EXD3: variants seen among roughly 807,000 people sequenced by gnomAD.
EXD3 encodes the protein exonuclease 3'-5' domain containing 3, also known as exonuclease mut-7 homolog.
Under a neutral mutation model 98.0 loss-of-function variants are expected in EXD3, and 92 were observed. The observed-to-expected ratio is 0.94, with a 90% CI of 0.79 to 1.12. The LOEUF is 1.12. Among genes scored for constraint, EXD3 ranks in the 50% most tolerant of loss-of-function variants. The pLI is 0.00. For synonymous variants in EXD3, 569 were observed against 526.0 expected (o/e 1.08, Z -1.12); for missense variants, 1,222 against 1,191.6 (o/e 1.03, Z -0.38).
chr9:137,356,963 C>A (rs528297437), intron 7 of EXD3, among the ~76,000 whole-genome samples: 2 of 152,302 alleles, frequency 1.3e-5, no homozygotes, highest in South Asian at 4.1e-4. Context: ...AGATAAGGTC[C>A]ACGGGGTATT....
Position 137,371,239 on chromosome 9 carries a change from G to C in EXD3, c.462+1666C>G, listed in dbSNP as rs999823488. ...GCCTCCCTGCACTCTCCGCAGGCAC[G>C]GCCGCCATTCAGCGTCGCGCCACAT... is the stretch of plus-strand genomic sequence containing the variant. On this transcript the variant is annotated intron_variant, in intron 5 of 21. Coordinates refer to ENST00000340951, the MANE Select transcript of EXD3 (RefSeq NM_017820.5). This position sits in a 1 kb window ranked among gnomAD's most constrained non-coding sequence, Gnocchi z 8.0. Among the ~76,000 whole-genome samples, 1 of 152,208 alleles carries C rather than the reference G, an allele frequency of 6.6e-6. No homozygotes were observed. Among genetic ancestry groups the C allele is most frequent in the African/African-American group, 2.4e-5 (1 of 41,458 alleles).
chr9:137,355,604 A>AAGAGG (rs1834677663), intron 8 of EXD3, among the ~76,000 whole-genome samples: 1 of 2,316 alleles, frequency 4.3e-4, no homozygotes. Context: ...GCGGAAGGAG[A>AAGAGG]AAGGAGGAAG....
At position 137,383,293 on chromosome 9, in the gene EXD3, T is replaced by C. The variant is rs1836411742; in HGVS notation, c.120+20A>G. ...CTGCTGGCTGTGACTTGGCACGTGG[T>C]GGCTGCCACGTCCACTCACCTGCTT... On this transcript the variant is annotated intron_variant, in intron 3 of 21. Coordinates refer to ENST00000340951, the MANE Select transcript of EXD3 (RefSeq NM_017820.5). The C allele has an allele frequency of 4.5e-6, 7 of 1,545,596 alleles. No homozygotes were observed. Among genetic ancestry groups the C allele is most frequent in the Non-Finnish European group, 6.1e-6 (7 of 1,142,776 alleles).
intron 3 of EXD3, among the ~76,000 whole-genome samples, chr9:137,376,343 C>CAAAAAAA (rs765888922): frequency 5.0e-5 from 2 of 39,956 alleles, no homozygotes; most frequent in Non-Finnish European, 1.0e-4. Flanking sequence ...GACTCTGTCT[C>CAAAAAAA]AAAAAAAAAA....
chr9:137,342,023 G>A (rs1278575622), intron 17 of EXD3, among the ~76,000 whole-genome samples: 1 of 4,472 alleles, frequency 2.2e-4, no homozygotes, highest in African/African-American at 2.6e-3. Context: ...ACCAGGAGCC[G>A]TCTCCCAGGA....
chr9:137,310,483 T>C (rs995919475), intron 19 of EXD3, among the ~76,000 whole-genome samples: 17 of 152,136 alleles, frequency 1.1e-4, no homozygotes, highest in African/African-American at 4.1e-4. Flanking sequence ...TCCATCTGGG[T>C]TTCCCAAAGT....
chr9:137,386,987 C>T (rs1428074984), intron 2 of EXD3, among the ~76,000 whole-genome samples: 1 of 142,056 alleles, frequency 7.0e-6, no homozygotes, highest in African/African-American at 2.7e-5. Context: ...TGCCTGCCTC[C>T]CTCAGCACCC....
At position 137,407,174 on chromosome 9, in the gene EXD3, T is replaced by G. The variant is rs1452697084; in HGVS notation, c.-47-11770A>C. ...GCCGGTCTCTGGGCCCCTCTGCTGG[T>G]GGAACCCGGCAGCGCCTCCTCCGTC... On this transcript the variant is annotated intron_variant, in intron 1 of 21. Coordinates refer to ENST00000340951, the MANE Select transcript of EXD3 (RefSeq NM_017820.5). This position sits in a 1 kb window ranked among gnomAD's most constrained non-coding sequence, Gnocchi z 4.4. Among the ~76,000 whole-genome samples the G allele has an allele frequency of 2.6e-5, 4 of 152,100 alleles. No homozygotes were observed. The highest frequency in any genetic ancestry group is 5.9e-5 in the Non-Finnish European group (4 of 67,988).
At chr9:137,390,960 G>A (rs187603033) in intron 2 of EXD3, among the ~76,000 whole-genome samples, 8 of 152,372 alleles carry the variant, frequency 5.3e-5, no homozygotes, top group Non-Finnish European at 7.3e-5. Context: ...TGACCTCGTC[G>A]TGGGACAGGG....
chr9:137,320,633 C>T (rs1024490172), intron 19 of EXD3, among the ~76,000 whole-genome samples: 27 of 152,130 alleles, frequency 1.8e-4, no homozygotes, highest in Admixed American at 1.5e-3. Flanking sequence ...CAGCCCCCGA[C>T]GCCCCCATCC....
At chr9:137,321,224 G>C (rs916267690) in intron 19 of EXD3, among the ~76,000 whole-genome samples, 3 of 152,228 alleles carry the variant, frequency 2.0e-5, no homozygotes, top group African/African-American at 7.2e-5. Flanking sequence ...AGCAGAAGGC[G>C]CAGGCCTGCA....
At position 137,405,432 on chromosome 9, in the gene EXD3, G is replaced by A. The variant is rs1473185334; in HGVS notation, c.-47-10028C>T. Among the ~76,000 whole-genome samples, 1 of 152,230 alleles carries A rather than the reference G, an allele frequency of 6.6e-6. No homozygotes were observed. Among genetic ancestry groups the A allele is most frequent in the Non-Finnish European group, 1.5e-5 (1 of 68,040 alleles). ...TTCGTGCTGGTGTCCGTGGCCCAAG[G>A]ATTTGCAGAGCCGCGGACGGAGCCC... On this transcript the variant is annotated intron_variant, in intron 1 of 21. Coordinates refer to ENST00000340951, the MANE Select transcript of EXD3 (RefSeq NM_017820.5). This position sits in a 1 kb window ranked among gnomAD's most constrained non-coding sequence, Gnocchi z 4.1.
At chr9:137,350,600 C>T (rs62588263) in intron 14 of EXD3, among the ~76,000 whole-genome samples, 1,397 of 10,290 alleles carry the variant, frequency 0.14, 11 homozygotes, top group South Asian at 0.18. Flanking sequence ...GGGTGGGGAT[C>T]ACGGGGAGGG....
chr9:137,395,399 G>T lies in EXD3; in HGVS notation c.-42C>A. The T allele has an allele frequency of 6.2e-7, 1 of 1,612,940 alleles. No homozygotes were observed. The highest frequency in any genetic ancestry group is 8.5e-7 in the Non-Finnish European group (1 of 1,179,734). On this transcript the variant is annotated 5_prime_UTR_variant, in exon 2 of 22. Coordinates refer to ENST00000340951, the MANE Select transcript of EXD3 (RefSeq NM_017820.5). This position sits in a 1 kb window ranked among gnomAD's most constrained non-coding sequence, Gnocchi z 6.5. ...AGGACGCTGGCAGGCAGCTAGGAACGAGGATCTGCAGAAACAGACAATCAG... is the reference window on the plus strand; with the variant it reads ...AGGACGCTGGCAGGCAGCTAGGAACTAGGATCTGCAGAAACAGACAATCAG...
chr9:137,325,440 T>A (rs1832344163), intron 17 of EXD3, among the ~76,000 whole-genome samples: 3 of 149,962 alleles, frequency 2.0e-5, no homozygotes, highest in Admixed American at 2.0e-4. Context: ...TCAGTTAACT[T>A]TTTTTTTTTT....
At chr9:137,334,175 G>C (rs1227818965) in intron 17 of EXD3, among the ~76,000 whole-genome samples, 4 of 152,142 alleles carry the variant, frequency 2.6e-5, no homozygotes, top group Non-Finnish European at 5.9e-5. Flanking sequence ...CTAATTTTTT[G>C]TATTTTAGTG....
rs1267413703 is a variant in EXD3, at chr9:137,385,686, G to A, written c.56-2309C>T. On this transcript the variant is annotated intron_variant, in intron 2 of 21. Coordinates refer to ENST00000340951, the MANE Select transcript of EXD3 (RefSeq NM_017820.5). The surrounding 1 kb of genome is among the most constrained non-coding windows in gnomAD (Gnocchi z 4.4). Reference sequence around the variant, plus strand: ...GTAGCTGGGAGTACAGGCGCTCACCGCTACGCCTGGCTAATTTTTGTATTT... The same window carrying A: ...GTAGCTGGGAGTACAGGCGCTCACCACTACGCCTGGCTAATTTTTGTATTT... Among the ~76,000 whole-genome samples, 10 of 151,932 alleles carry A rather than the reference G, an allele frequency of 6.6e-5. No individual in the cohort carries two copies. The highest frequency in any genetic ancestry group is 1.7e-4 in the African/African-American group (7 of 41,360).
chr9:137,371,346 C>T lies in EXD3; in HGVS notation c.462+1559G>A, dbSNP rs1411781748. On this transcript the variant is annotated intron_variant, in intron 5 of 21. Transcript: ENST00000340951. The surrounding 1 kb of genome is among the most constrained non-coding windows in gnomAD (Gnocchi z 8.0). ...CCATGCACCCGCCGCGAGACGACGG[C>T]CCCGGGCGTGGCAGGTGACAGCGCC... 6.6e-6 allele frequency among the ~76,000 whole-genome samples: 1 copy of T among 152,206 alleles called. No individual in the cohort carries two copies. Among genetic ancestry groups the T allele is most frequent in the East Asian group, 1.9e-4 (1 of 5,192 alleles).
chr9:137,354,193 C>T, intron 10 of EXD3, 146 bp downstream of exon 10: 1 of 1,455,628 alleles, frequency 6.9e-7, no homozygotes. Flanking sequence ...CGCCTGCCAG[C>T]CACACGCCCC....
Sources: gnomAD v4.1 joint callset for allele counts (sites outside exome capture counted in the v4.1 genomes callset) on GRCh38, gnomAD v4.1.1 for gene constraint, Gnocchi (gnomAD v3.1) non-coding constraint, MANE v1.5 for transcripts, NCBI Gene and HGNC (gene_info 2026-07-23, HGNC 2026-07-21) for gene names.